LARGE1: variants seen among roughly 807,000 people sequenced by gnomAD.
The protein encoded by LARGE1 is LARGE xylosyl- and glucuronyltransferase 1, also known as xylosyl- and glucuronyltransferase LARGE1.
LARGE1 carries 43 observed loss-of-function variants against 87.6 expected under a neutral mutation model. That is an observed-to-expected ratio of 0.49 (90% confidence interval 0.38 to 0.63). LARGE1 has a LOEUF of 0.63. Among genes scored for constraint, LARGE1 ranks in the 30% least tolerant of loss-of-function variants. The pLI, the probability that LARGE1 is intolerant of heterozygous loss-of-function variation, is 0.00. For synonymous variants in LARGE1, 434 were observed against 394.6 expected, an observed-to-expected ratio of 1.10 and a Z score of -1.18; for missense variants, 802 against 1,000.2, an observed-to-expected ratio of 0.80 and a Z score of 2.67.
At chr22:33,413,940 A>G (rs1276830866) in intron 7 of LARGE1, among the ~76,000 whole-genome samples, 2 of 152,138 alleles carry the variant, frequency 1.3e-5, no homozygotes, top group African/African-American at 4.8e-5. Context: ...CCATTCTTCT[A>G]TTAATGGACA....
chr22:33,638,924 A>G (rs1467099830), intron 3 of LARGE1, among the ~76,000 whole-genome samples: 21 of 152,248 alleles, frequency 1.4e-4, no homozygotes, highest in Non-Finnish European at 2.1e-4. Flanking sequence ...TTCACTTTCC[A>G]TAATAACAAT....
At chr22:33,632,607 G>C (rs73168591) in intron 3 of LARGE1, among the ~76,000 whole-genome samples, 1 of 151,874 alleles carries the variant, frequency 6.6e-6, no homozygotes, top group Non-Finnish European at 1.5e-5. Context: ...CCTCTGTGTT[G>C]CCTCCCCTCA....
chr22:33,725,915 T>A (rs2083257905), intron 2 of LARGE1, among the ~76,000 whole-genome samples: 2 of 152,068 alleles, frequency 1.3e-5, no homozygotes, highest in Admixed American at 6.5e-5. Flanking sequence ...CATTTGGCAA[T>A]GTCTGGAGAC....
chr22:33,092,247 C>CTT, the LARGE1 span, among the ~76,000 whole-genome samples: 2 of 145,644 alleles, frequency 1.4e-5, no homozygotes, highest in Non-Finnish European at 3.0e-5. Flanking sequence ...ATCTCCAGGG[C>CTT]TTTTTTTTTT....
intron 6 of LARGE1, among the ~76,000 whole-genome samples, chr22:33,558,566 T>C (rs963244181): frequency 1.1e-4 from 17 of 152,196 alleles, no homozygotes; most frequent in Admixed American, 4.6e-4. Flanking sequence ...CTCCCTTAGA[T>C]CACCCTGCTG....
rs569495211 is a variant in LARGE1, at chr22:33,730,503, T to C, written c.106+30868A>G. On this transcript the variant is annotated intron_variant, in intron 2 of 14. Coordinates refer to ENST00000397394, the MANE Select transcript of LARGE1 (RefSeq NM_133642.5). ...CTACTATGTATCCATAAAATTGTTT[T>C]TGAAAGCTTACACGAATTTTTGACT... Among the ~76,000 whole-genome samples, 4 of 152,292 alleles carry C rather than the reference T, an allele frequency of 2.6e-5. No homozygotes were observed. The South Asian group carries it at 8.3e-4, about 32-fold the overall frequency.
chr22:33,571,348 G>A (rs1415550427), intron 5 of LARGE1, among the ~76,000 whole-genome samples: 2 of 152,066 alleles, frequency 1.3e-5, no homozygotes, highest in Non-Finnish European at 2.9e-5. Flanking sequence ...GTGATTCTAG[G>A]GTATATCTGA....
At chr22:33,867,068 G>A (rs954641036) in intron 1 of LARGE1, among the ~76,000 whole-genome samples, 78 of 152,276 alleles carry the variant, frequency 5.1e-4, no homozygotes, top group Admixed American at 1.9e-3. Context: ...ATGAATGAAT[G>A]GATGGATGGA....
intron 1 of LARGE1, among the ~76,000 whole-genome samples, chr22:33,882,050 T>G (rs959954582): frequency 3.3e-5 from 5 of 150,798 alleles, no homozygotes; most frequent in African/African-American, 7.3e-5. Context: ...TTTTTGTTTT[T>G]TTTTTTTTTT....
chr22:33,421,233 T>C (rs76035097), intron 7 of LARGE1, among the ~76,000 whole-genome samples: 6,235 of 151,988 alleles, frequency 0.041, 143 homozygotes, highest in South Asian at 0.073. Flanking sequence ...AATCAATCAA[T>C]CAATCAATCA....
chr22:33,159,946 A>AAC (rs1921969415), downstream of LARGE1, among the ~76,000 whole-genome samples: 1 of 151,448 alleles, frequency 6.6e-6, no homozygotes, highest in African/African-American at 2.4e-5. Flanking sequence ...AAAAAAAAAA[A>AAC]AACACTCAAA....
At chr22:33,132,358 G>GT in the LARGE1 span, among the ~76,000 whole-genome samples, 1 of 150,974 alleles carries the variant, frequency 6.6e-6, no homozygotes, top group East Asian at 2.0e-4. Context: ...TAATTTTTGT[G>GT]TTTTTTGTAG....
At chr22:33,598,971 T>C (rs1173372374) in intron 5 of LARGE1, among the ~76,000 whole-genome samples, 1 of 152,168 alleles carries the variant, frequency 6.6e-6, no homozygotes, top group Admixed American at 6.5e-5. Flanking sequence ...AATGGTTGAG[T>C]AAGTGATTCT....
intron 1 of LARGE1, among the ~76,000 whole-genome samples, chr22:33,854,662 T>C (rs2063705529): frequency 7.0e-6 from 1 of 142,592 alleles, no homozygotes. Flanking sequence ...TCTCCCCAAG[T>C]GTCTCCAGTT....
At chr22:33,096,563 TTTG>T in the LARGE1 span, among the ~76,000 whole-genome samples, 84 of 56,812 alleles carry the variant, frequency 1.5e-3, no homozygotes, top group African/African-American at 4.6e-3. Context: ...TGTTTTTGTT[TTTG>T]TTTTTTTTTT....
At chr22:33,386,369 C>A (rs1419123087) in intron 7 of LARGE1, among the ~76,000 whole-genome samples, 1 of 148,944 alleles carries the variant, frequency 6.7e-6, no homozygotes, top group Non-Finnish European at 1.5e-5. Context: ...AGCAATGTCA[C>A]TTTGGAGCCA....
intron 1 of LARGE1, among the ~76,000 whole-genome samples, chr22:33,919,140 G>A (rs2065870632): frequency 6.7e-6 from 1 of 149,786 alleles, no homozygotes; most frequent in Non-Finnish European, 1.5e-5. Flanking sequence ...CCATTAAACA[G>A]GGTCACCCAA....
At chr22:33,142,161 A>G in the LARGE1 span, among the ~76,000 whole-genome samples, 2 of 152,178 alleles carry the variant, frequency 1.3e-5, no homozygotes, top group Admixed American at 6.5e-5. Flanking sequence ...AGATCAGGCA[A>G]TGTTCAGCTC....
chr22:33,386,767 A>G (rs2065338909), intron 7 of LARGE1, among the ~76,000 whole-genome samples: 1 of 148,918 alleles, frequency 6.7e-6, no homozygotes, highest in African/African-American at 2.4e-5. Context: ...ATAGTGATGT[A>G]AGTCACTGGT....
Sources: allele counts gnomAD v4.1 joint callset (sites outside exome capture counted in the v4.1 genomes callset), GRCh38; gene constraint gnomAD v4.1.1; transcripts MANE v1.5; gene names NCBI Gene and HGNC (gene_info 2026-07-23, HGNC 2026-07-21).